CANX: variants seen among roughly 807,000 people sequenced by gnomAD.
The protein encoded by CANX is calnexin, also known as epididymis secretory sperm binding protein.
Under a neutral mutation model 75.7 loss-of-function variants are expected in CANX, and 14 were observed. The ratio of observed to expected loss-of-function variants is 0.19; its 90% confidence interval spans 0.12 to 0.29. The LOEUF (loss-of-function observed/expected upper bound fraction) is 0.29, where lower values mean the gene tolerates loss of function less well. Among genes scored for constraint, CANX ranks in the 10% least tolerant of loss-of-function variants. The probability of loss-of-function intolerance (pLI) is 1.00; values close to 1 mark genes in which losing one functional copy is unlikely to be tolerated. For missense variants in CANX, 567 were observed against 713.2 expected, an observed-to-expected ratio of 0.79 and a Z score of 2.34; for synonymous variants, 227 against 236.9, an observed-to-expected ratio of 0.96 and a Z score of 0.38.
At chr5:179,713,413 G>C (rs562855135) in intron 7 of CANX, among the ~76,000 whole-genome samples, 5 of 152,266 alleles carry the variant, frequency 3.3e-5, no homozygotes, top group Middle Eastern at 3.4e-3. Context: ...CATATTTAAG[G>C]TATAGAAATT....
rs71001039 is a variant in CANX at position 179,684,926 on chromosome 5, A to ATTTTTTT, written c.-4+6173_-4+6179dup. ...TGCCACCACACCTGGCTAATTTTGT[A>ATTTTTTT]TTTTTTTTTTTTTTTTTTTTTTTTT... is the stretch of plus-strand genomic sequence containing the variant. On this transcript the variant is annotated intron_variant, in intron 1 of 14. Transcript: ENST00000681674. Among the ~76,000 whole-genome samples the ATTTTTTT allele has an allele frequency of 3.4e-3, 169 of 49,096 alleles. 4 individuals carry two copies. The highest frequency in any genetic ancestry group is 4.3e-3 in the Non-Finnish European group (125 of 29,058). 32.2% of individuals were successfully genotyped at this position (49,096 alleles called of 152,430 possible). A position where few individuals can be genotyped will look rare whatever the true frequency, so the allele number is the denominator to read the frequency against.
upstream of CANX, chr5:179,698,887 C>A: frequency 8.7e-7 from 1 of 1,149,934 alleles, no homozygotes; most frequent in Non-Finnish European, 1.1e-6. Context: ...GAGGGCGGGA[C>A]TTGGCGCCGG....
intron 7 of CANX, among the ~76,000 whole-genome samples, chr5:179,710,824 G>A (rs1284088826): frequency 3.3e-5 from 5 of 151,390 alleles, no homozygotes; most frequent in Non-Finnish European, 7.4e-5. Flanking sequence ...AGGCTGAGGC[G>A]GGCGGATCAC....
At chr5:179,723,143 C>T in intron 11 of CANX, 124 bp downstream of exon 11, 1 of 751,624 alleles carries the variant, frequency 1.3e-6, no homozygotes. Flanking sequence ...AACCATATGC[C>T]TGCAAAAGAC....
chr5:179,724,864 G>C, intron 13 of CANX, 81 bp downstream of exon 13: 1 of 1,501,420 alleles, frequency 6.7e-7, no homozygotes, highest in Non-Finnish European at 8.9e-7. Context: ...GTTAAGGATT[G>C]TTTTTAGCCA....
chr5:179,678,954 A>G, intron 1 of CANX: 3 of 1,535,530 alleles, frequency 2.0e-6, no homozygotes, highest in Non-Finnish European at 2.6e-6. Flanking sequence ...GGCGCGCCGT[A>G]GGCGAGGCCC....
At chr5:179,678,934 G>T (rs1276719546) in intron 1 of CANX, 8 of 1,535,126 alleles carry the variant, frequency 5.2e-6, no homozygotes, top group African/African-American at 1.4e-5. Flanking sequence ...GGTTGCTGAG[G>T]CGCATGCACG....
chr5:179,695,883 C>A (rs942771903), upstream of CANX, among the ~76,000 whole-genome samples: 5 of 151,748 alleles, frequency 3.3e-5, no homozygotes, highest in African/African-American at 1.2e-4. Flanking sequence ...CATGATCCAC[C>A]CGCCTCGGCC....
chr5:179,695,111 G>C (rs879677055), upstream of CANX, among the ~76,000 whole-genome samples: 1 of 151,810 alleles, frequency 6.6e-6, no homozygotes, highest in East Asian at 1.9e-4. Flanking sequence ...GTGCAGTGGC[G>C]CGATCTCAGC....
chr5:179,718,862 G>A (rs4441842), intron 8 of CANX, among the ~76,000 whole-genome samples: 117,958 of 151,602 alleles, frequency 0.78, 46,623 homozygotes, highest in Non-Finnish European at 0.86. Context: ...ACAGGGTGTC[G>A]TCATATTGGT....
intron 3 of CANX, among the ~76,000 whole-genome samples, 181 bp from the exon 4 acceptor site, chr5:179,706,951 A>G (rs1274486625): frequency 2.0e-5 from 3 of 152,202 alleles, no homozygotes; most frequent in Admixed American, 6.5e-5. Context: ...ACTTTTTCAT[A>G]TAGGTTTGTG....
intron 1 of CANX, chr5:179,679,118 G>A: frequency 6.5e-7 from 1 of 1,535,716 alleles, no homozygotes; most frequent in Non-Finnish European, 8.7e-7. Flanking sequence ...ATGGCTCGTA[G>A]CCGAGCACTC....
intron 1 of CANX, chr5:179,679,075 A>G (rs1340960124): frequency 1.1e-5 from 17 of 1,535,528 alleles, no homozygotes; most frequent in African/African-American, 6.8e-5. Context: ...GATCGGCCCA[A>G]AACTGCTGCA....
chr5:179,705,736 G>A lies in CANX; in HGVS notation c.55G>A (p.Glu19Lys). 6.2e-7 allele frequency: 1 copy of A among 1,611,544 alleles called. No individual in the cohort carries two copies. The highest frequency in any genetic ancestry group is 2.2e-5 in the East Asian group (1 of 44,874). Residue 19 changes from glutamate to lysine, a missense_variant, in exon 2 of 15, where the codon GAG (glutamate) becomes AAG (lysine). By Grantham distance (56) the Glu-to-Lys change is moderately conservative. Transcript: ENST00000247461. The part of the protein sequence containing the change: ...MLLVLGTAIV[E>K]AHDGHDDDVI... Reference sequence around the variant, plus strand: ...ACTGGTGCTTGGAACTGCTATTGTTGAGGCTCATGATGGACATGATGATGA... The same window carrying A: ...ACTGGTGCTTGGAACTGCTATTGTTAAGGCTCATGATGGACATGATGATGA...
intron 12 of CANX, among the ~76,000 whole-genome samples, chr5:179,724,189 A>C (rs1484363766): frequency 6.6e-6 from 1 of 151,184 alleles, no homozygotes; most frequent in East Asian, 1.9e-4. Flanking sequence ...CTCTCAAAAC[A>C]GTATGTTGGG....
upstream of CANX, among the ~76,000 whole-genome samples, chr5:179,695,026 CTTTT>C (rs1316179673): frequency 6.6e-6 from 1 of 151,946 alleles, no homozygotes; most frequent in Non-Finnish European, 1.5e-5. Context: ...AAATTTATTC[CTTTT>C]TTAAGTTTTT....
Position 179,715,988 on chromosome 5 carries a change from C to T in CANX, c.722-117C>T, listed in dbSNP as rs539576469. Reference sequence around the variant, plus strand: ...CCCAGGAGCCAGGCATTGTTCTTACCCCAAAGCCTCAGGTCAGACTTCTGC... The same window carrying T: ...CCCAGGAGCCAGGCATTGTTCTTACTCCAAAGCCTCAGGTCAGACTTCTGC... On this transcript the variant is annotated intron_variant, in intron 7 of 14. Coordinates refer to ENST00000247461, the MANE Select transcript of CANX (RefSeq NM_001746.4). 7.7e-6 allele frequency: 6 copies of T among 784,258 alleles called. No homozygotes were observed. In the Admixed American group the frequency reaches 1.2e-4, roughly 15 times the overall value. 48.6% of individuals were successfully genotyped at this position (784,258 alleles called of 1,614,324 possible). A position where few individuals can be genotyped will look rare whatever the true frequency, so the allele number is the denominator to read the frequency against.
At chr5:179,698,699 G>A, upstream of CANX, 1 of 925,544 alleles carries the variant, frequency 1.1e-6, no homozygotes. Flanking sequence ...CGAGACGCGC[G>A]CGCCCGGCGG....
chr5:179,724,436 C>T (rs1778514519), intron 12 of CANX, among the ~76,000 whole-genome samples: 1 of 152,086 alleles, frequency 6.6e-6, no homozygotes, highest in African/African-American at 2.4e-5. Flanking sequence ...ATTTTCCTGC[C>T]TGGCCCTTTT....
Sources: allele counts gnomAD v4.1 joint callset (sites outside exome capture counted in the v4.1 genomes callset), GRCh38; gene constraint gnomAD v4.1.1; transcripts MANE v1.5; gene names NCBI Gene and HGNC (gene_info 2026-07-23, HGNC 2026-07-21).